GALNT14: variants seen among roughly 807,000 people sequenced by gnomAD.
GALNT14 encodes polypeptide N-acetylgalactosaminyltransferase 14, also known as UDP-GalNAc:polypeptide N-acetylgalactosaminyltransferase 14.
Under a neutral mutation model 77.5 loss-of-function variants are expected in GALNT14, and 60 were observed. The ratio of observed to expected loss-of-function variants is 0.77; its 90% CI spans 0.63 to 0.96. The LOEUF is 0.96. Ranked by LOEUF, GALNT14 falls within the 40% of genes least tolerant of loss-of-function variation. GALNT14 has a pLI of 0.00. For synonymous variants in GALNT14, 280 were observed against 281.7 expected (o/e 0.99, Z 0.06); for missense variants, 710 against 731.0 (o/e 0.97, Z 0.33).
intron 13 of GALNT14, among the ~76,000 whole-genome samples, chr2:30,914,758 G>A (rs1296499461): frequency 6.6e-6 from 1 of 152,192 alleles, no homozygotes; most frequent in Non-Finnish European, 1.5e-5. Context: ...GTCCACCCTC[G>A]GAGGACAAAC....
intron 1 of GALNT14, 130 bp from the exon 2 acceptor site, chr2:30,993,137 A>G: frequency 1.2e-6 from 1 of 869,544 alleles, no homozygotes; most frequent in Non-Finnish European, 1.8e-6. Context: ...TGGGGTCAGA[A>G]GCAGAACATA....
At chr2:31,124,386 G>T (rs1014343147) in intron 1 of GALNT14, among the ~76,000 whole-genome samples, 1 of 152,112 alleles carries the variant, frequency 6.6e-6, no homozygotes, top group Non-Finnish European at 1.5e-5. Flanking sequence ...ATCTTTACAG[G>T]GATACATGGG....
At chr2:31,021,378 C>T (rs1038108062) in intron 1 of GALNT14, among the ~76,000 whole-genome samples, 1 of 148,914 alleles carries the variant, frequency 6.7e-6, no homozygotes, top group Non-Finnish European at 1.5e-5. Context: ...GATCTCGGCT[C>T]ACTGCAACCT....
Position 30,949,125 on chromosome 2 carries a change from G to T in GALNT14, c.655-3255C>A, listed in dbSNP as rs368406097. Reference sequence around the variant, plus strand: ...GCTATGACCTTGAATGGGCCTGCAAGAGGCTTTATAATGAGTCACCAAAGT... The same window carrying T: ...GCTATGACCTTGAATGGGCCTGCAATAGGCTTTATAATGAGTCACCAAAGT... On this transcript the variant is annotated intron_variant, in intron 6 of 14. Coordinates refer to ENST00000349752, the MANE Select transcript of GALNT14 (RefSeq NM_024572.4). 6.6e-5 allele frequency among the ~76,000 whole-genome samples: 10 copies of T among 152,300 alleles called. No individual in the cohort carries two copies. The East Asian group carries it at 1.7e-3, about 26-fold the overall frequency.
At chr2:31,105,148 TATTC>T (rs1677491336) in intron 1 of GALNT14, among the ~76,000 whole-genome samples, 1 of 152,224 alleles carries the variant, frequency 6.6e-6, no homozygotes. Flanking sequence ...TCTATGTATC[TATTC>T]ATTCACTTAT....
chr2:31,105,692 T>C (rs1037197407), intron 1 of GALNT14, among the ~76,000 whole-genome samples: 2 of 151,208 alleles, frequency 1.3e-5, no homozygotes, highest in African/African-American at 4.9e-5. Flanking sequence ...ACCACTGTAC[T>C]CCAGTCTGAG....
chr2:31,023,199 G>C (rs988803212), intron 1 of GALNT14, among the ~76,000 whole-genome samples: 2 of 151,854 alleles, frequency 1.3e-5, no homozygotes, highest in African/African-American at 4.8e-5. Context: ...ATGTTTGAAG[G>C]CTCAAACCAA....
At chr2:30,969,747 C>T (rs1335008835) in intron 2 of GALNT14, among the ~76,000 whole-genome samples, 2 of 152,170 alleles carry the variant, frequency 1.3e-5, no homozygotes, top group Non-Finnish European at 2.9e-5. Flanking sequence ...CAGGATACCA[C>T]TGACCAGCTG....
chr2:30,995,160 G>C (rs1445324512), intron 1 of GALNT14, among the ~76,000 whole-genome samples: 1 of 61,774 alleles, frequency 1.6e-5, no homozygotes, highest in African/African-American at 4.8e-5. Context: ...GTGTGTGTGT[G>C]TGTGTGTGTG....
At chr2:31,064,390 G>A (rs1158109336) in intron 1 of GALNT14, among the ~76,000 whole-genome samples, 1 of 152,164 alleles carries the variant, frequency 6.6e-6, no homozygotes, top group Non-Finnish European at 1.5e-5. Context: ...CTATCCCAGT[G>A]CTTTCCAGAC....
At chr2:30,977,505 C>A (rs111385101) in intron 2 of GALNT14, among the ~76,000 whole-genome samples, 19 of 152,174 alleles carry the variant, frequency 1.2e-4, no homozygotes, top group Non-Finnish European at 5.9e-5. Flanking sequence ...CCTTGATACT[C>A]CTAGAGCTAT....
chr2:31,076,301 C>T (rs1331217795), intron 1 of GALNT14, among the ~76,000 whole-genome samples: 1 of 152,202 alleles, frequency 6.6e-6, no homozygotes, highest in African/African-American at 2.4e-5. Flanking sequence ...GAAACTAAGG[C>T]TCAGAGAAGT....
chr2:31,032,323 C>T (rs574896815), intron 1 of GALNT14, among the ~76,000 whole-genome samples: 2 of 152,290 alleles, frequency 1.3e-5, no homozygotes, highest in East Asian at 1.9e-4. Context: ...CTTTCATCCT[C>T]GCCTAAGCCC....
the GALNT14 span, among the ~76,000 whole-genome samples, chr2:30,897,273 A>C: frequency 6.6e-6 from 1 of 152,070 alleles, no homozygotes; most frequent in Non-Finnish European, 1.5e-5. Context: ...AGGGGACAGG[A>C]GGTAAAGGAT....
downstream of GALNT14, among the ~76,000 whole-genome samples, chr2:30,907,676 T>C (rs1164260155): frequency 2.2e-3 from 322 of 149,762 alleles, 1 homozygote; most frequent in African/African-American, 6.0e-3. Flanking sequence ...TTCCAATCAA[T>C]AGAAAAAGAG....
intron 1 of GALNT14, among the ~76,000 whole-genome samples, chr2:31,118,170 T>C (rs1308162870): frequency 6.6e-6 from 1 of 152,202 alleles, no homozygotes; most frequent in Non-Finnish European, 1.5e-5. Flanking sequence ...AAGAAGTCAA[T>C]AGAACTAGAT....
intron 1 of GALNT14, chr2:31,125,027 C>A: frequency 1.5e-6 from 1 of 659,532 alleles, no homozygotes; most frequent in South Asian, 1.8e-5. Context: ...GATGCAACTT[C>A]TCTCTCCAGA....
At chr2:31,008,344 A>G (rs964271656) in intron 1 of GALNT14, among the ~76,000 whole-genome samples, 1 of 152,104 alleles carries the variant, frequency 6.6e-6, no homozygotes, top group African/African-American at 2.4e-5. Flanking sequence ...CAATCCTCCC[A>G]TCTTAGCTTC....
At chr2:30,920,682 G>A (rs772915353) in intron 13 of GALNT14, among the ~76,000 whole-genome samples, 1 of 151,888 alleles carries the variant, frequency 6.6e-6, no homozygotes, top group African/African-American at 2.4e-5. Flanking sequence ...CATACTCAGG[G>A]AGATTATCTT....
Sources: allele counts gnomAD v4.1 joint callset (sites outside exome capture counted in the v4.1 genomes callset), GRCh38; gene constraint gnomAD v4.1.1; transcripts MANE v1.5; gene names NCBI Gene and HGNC (gene_info 2026-07-23, HGNC 2026-07-21).